Variants in ARFGEF2 observed in about 807,000 individuals in gnomAD.
ARFGEF2 encodes the protein brefeldin A-inhibited guanine nucleotide-exchange protein 2.
In ARFGEF2, 74 loss-of-function variants were observed where a neutral mutation model predicts 219.9. The observed-to-expected ratio is 0.34, with a 90% confidence interval of 0.28 to 0.41. The LOEUF (loss-of-function observed/expected upper bound fraction) is 0.41, where lower values mean the gene tolerates loss of function less well. Among genes scored for constraint, ARFGEF2 ranks in the 10% least tolerant of loss-of-function variants. The pLI, the probability that ARFGEF2 is intolerant of heterozygous loss-of-function variation, is 1.00. For missense variants in ARFGEF2, 1,743 were observed against 2,218.3 expected, an observed-to-expected ratio of 0.79 and a Z score of 4.30; for synonymous variants, 733 against 799.2, an observed-to-expected ratio of 0.92 and a Z score of 1.40.
chr20:48,999,734 G>A (rs2024957), intron 25 of ARFGEF2, among the ~76,000 whole-genome samples: 50,626 of 142,222 alleles, frequency 0.36, 9,089 homozygotes, highest in African/African-American at 0.47. Context: ...GCGACAGAGC[G>A]AGACTCCGTC....
chr20:48,965,152 A>G (rs2091179806), intron 7 of ARFGEF2, among the ~76,000 whole-genome samples: 1 of 152,208 alleles, frequency 6.6e-6, no homozygotes, highest in Non-Finnish European at 1.5e-5. Flanking sequence ...TCTATACAAG[A>G]AGTCATCACA....
rs117002454 is a variant in ARFGEF2 at position 48,966,194 on chromosome 20, C to T, written c.1059+171C>T. On this transcript the variant is annotated intron_variant, in intron 8 of 38. Coordinates refer to ENST00000371917, the MANE Select transcript of ARFGEF2 (RefSeq NM_006420.3). ...GTATTAGCAGGTTCAGTTCTTAGAA[C>T]GTGCTAATGTTGCTTGGTATATAAC... 0.012 allele frequency among the ~76,000 whole-genome samples: 1,780 copies of T among 152,336 alleles called. 13 individuals are homozygous for T. Among genetic ancestry groups the T allele is most frequent in the Non-Finnish European group, 0.018 (1,192 of 68,036 alleles).
At chr20:48,990,942 A>G (rs961584020) in intron 20 of ARFGEF2, 98 bp from the exon 21 acceptor site, 50 of 1,361,648 alleles carry the variant, frequency 3.7e-5, no homozygotes, top group Middle Eastern at 2.0e-4. Flanking sequence ...TGTGCATACA[A>G]AAAGTATCAG....
Position 48,972,315 on chromosome 20 carries a change from A to G in ARFGEF2, c.1426-11A>G. The G allele has an allele frequency of 1.9e-6, 3 of 1,590,964 alleles. No individual in the cohort carries two copies. The highest frequency in any genetic ancestry group is 2.6e-6 in the Non-Finnish European group (3 of 1,158,934). ...TTAATTAGTGTCCTCCTTTGTCTTT[A>G]TGTCATATAGGTCTTTTTCAAAGAG... On this transcript the variant is annotated splice_polypyrimidine_tract_variant and intron_variant, in intron 10 of 38. Coordinates refer to ENST00000371917, the MANE Select transcript of ARFGEF2 (RefSeq NM_006420.3).
rs11475141 is a variant in ARFGEF2, at chr20:48,952,148, CTTTTTTTTTTTTTT to C, written c.424-545_424-532del. On this transcript the variant is annotated intron_variant, in intron 4 of 38. Transcript: ENST00000371917. ...CAGTATGAAAATTCAGAAGTTTGGCCTTTTTTTTTTTTTTTTTTTTTTTTTGAGACATAGTCTTG... is the reference window on the plus strand; with the variant it reads ...CAGTATGAAAATTCAGAAGTTTGGCCTTTTTTTTTTTGAGACATAGTCTTG... Among the ~76,000 whole-genome samples, 322 of 55,574 alleles carry C rather than the reference CTTTTTTTTTTTTTT, an allele frequency of 5.8e-3. 3 individuals are homozygous for C. The highest frequency in any genetic ancestry group is 0.011 in the Admixed American group (38 of 3,342). 36.5% of individuals were successfully genotyped at this position (55,574 alleles called of 152,430 possible).
intron 14 of ARFGEF2, among the ~76,000 whole-genome samples, chr20:48,981,172 C>G (rs572131142): frequency 6.6e-6 from 1 of 152,238 alleles, no homozygotes; most frequent in Non-Finnish European, 1.5e-5. Flanking sequence ...GTAAGGCAGG[C>G]CTGGTGGTGA....
intron 28 of ARFGEF2, among the ~76,000 whole-genome samples, chr20:49,013,216 A>T (rs1016980525): frequency 3.3e-5 from 5 of 152,338 alleles, no homozygotes; most frequent in Middle Eastern, 3.4e-3. Context: ...TATGACAGTA[A>T]CATTCCAGAA....
chr20:48,940,617 G>C (rs1307149708), intron 1 of ARFGEF2, among the ~76,000 whole-genome samples: 1 of 152,160 alleles, frequency 6.6e-6, no homozygotes, highest in East Asian at 1.9e-4. Context: ...AGAAAGCCTC[G>C]GTTCAAATTC....
intron 14 of ARFGEF2, among the ~76,000 whole-genome samples, chr20:48,978,757 T>A (rs2091277874): frequency 6.6e-6 from 1 of 152,234 alleles, no homozygotes; most frequent in Admixed American, 6.5e-5. Flanking sequence ...AGTTCACTCA[T>A]GATTTGGCTC....
At chr20:48,976,611 A>G (rs1410922879) in intron 14 of ARFGEF2, among the ~76,000 whole-genome samples, 1 of 152,178 alleles carries the variant, frequency 6.6e-6, no homozygotes, top group East Asian at 1.9e-4. Flanking sequence ...GATCAAGACC[A>G]TCCTGGCTAA....
chr20:48,959,549 C>T (rs1600610916), intron 6 of ARFGEF2, among the ~76,000 whole-genome samples: 4 of 58,330 alleles, frequency 6.9e-5, no homozygotes, highest in Non-Finnish European at 7.2e-5. Flanking sequence ...CTCTGTCCCT[C>T]CTTCCTTCCC....
chr20:49,028,226 C>G (rs1307917506), intron 36 of ARFGEF2, among the ~76,000 whole-genome samples: 1 of 152,058 alleles, frequency 6.6e-6, no homozygotes, highest in Non-Finnish European at 1.5e-5. Context: ...CCATTGCACT[C>G]CAGCCTGGGC....
In ARFGEF2 at chr20:49,004,046, T is replaced by C. The variant is rs2091440827; in HGVS notation, c.3433-1024T>C. Among the ~76,000 whole-genome samples, 7 of 152,124 alleles carry C rather than the reference T, an allele frequency of 4.6e-5. No homozygotes were observed. In the South Asian group the frequency reaches 1.5e-3, roughly 32 times the overall value. On this transcript the variant is annotated intron_variant, in intron 25 of 38. Transcript: ENST00000371917. ...ACCTTGGGAGATGTTGTTTAATGGA[T>C]ATAGAGTTTCATTTTTTCAAGATGA...
intron 1 of ARFGEF2, among the ~76,000 whole-genome samples, chr20:48,926,306 T>C (rs1211054211): frequency 6.6e-6 from 1 of 152,220 alleles, no homozygotes; most frequent in Non-Finnish European, 1.5e-5. Context: ...TTGAGATATG[T>C]TTGAAAGCCT....
chr20:49,016,555 A>G (rs1600548746), intron 31 of ARFGEF2, 140 bp downstream of exon 31: 1 of 997,004 alleles, frequency 1.0e-6, no homozygotes, highest in East Asian at 2.6e-5. Flanking sequence ...CGTTTTAATT[A>G]CAGTATAAAA....
At position 49,016,398 on chromosome 20, in the gene ARFGEF2, A is replaced by T. The variant is rs752211996; in HGVS notation, c.4298A>T (p.Gln1433Leu). 1.2e-6 allele frequency: 2 copies of T among 1,613,218 alleles called. No homozygotes were observed. Among genetic ancestry groups the T allele is most frequent in the Admixed American group, 3.3e-5 (2 of 60,026 alleles). Reference protein sequence around the residue: ...VLLSDVFAQLQWCVKQDNEQL... With the variant: ...VLLSDVFAQLLWCVKQDNEQL... ...CTTTCTGATGTATTTGCACAATTGC[A>T]GTGGTGTGTCAAACAAGGTACTCTT... The change falls in exon 31 of 39, where the codon CAG becomes CTG. Residue 1433 changes from glutamine (Q) to leucine (L), a missense_variant. By Grantham distance (113) the Gln-to-Leu change is moderately radical. Coordinates refer to ENST00000371917, the MANE Select transcript of ARFGEF2 (RefSeq NM_006420.3).
chr20:49,013,786 C>G, intron 29 of ARFGEF2, 45 bp from the exon 30 acceptor site: 1 of 1,614,044 alleles, frequency 6.2e-7, no homozygotes, highest in Middle Eastern at 1.6e-4. Flanking sequence ...CTGTTGTTCT[C>G]TTCTCCACCA....
At chr20:48,974,118 ATTTTTTT>A (rs57941437) in intron 12 of ARFGEF2, among the ~76,000 whole-genome samples, 8 of 70,066 alleles carry the variant, frequency 1.1e-4, no homozygotes, top group South Asian at 6.5e-4. Context: ...TTGAGTGTGA[ATTTTTTT>A]TTTTTTTTTT....
intron 1 of ARFGEF2, among the ~76,000 whole-genome samples, chr20:48,923,870 G>A (rs1439105592): frequency 1.3e-5 from 2 of 152,184 alleles, no homozygotes; most frequent in East Asian, 1.9e-4. Context: ...GATATTTTCG[G>A]ATCGTATCTT....
Sources: allele counts gnomAD v4.1 joint callset (sites outside exome capture counted in the v4.1 genomes callset), GRCh38; gene constraint gnomAD v4.1.1; transcripts MANE v1.5; gene names NCBI Gene and HGNC (gene_info 2026-07-23, HGNC 2026-07-21).